The following UIMC1 variants were observed in gnomAD, a reference collection of about 807,000 sequenced individuals.
The protein encoded by UIMC1 is ubiquitin interaction motif containing 1.
A neutral mutation model predicts 84.9 loss-of-function variants in UIMC1; 42 were observed. That is an observed-to-expected ratio of 0.49 (90% CI 0.39 to 0.64). The LOEUF (loss-of-function observed/expected upper bound fraction) is 0.64. UIMC1 is among the 30% of genes least tolerant of loss of function. The probability of loss-of-function intolerance (pLI) is 0.00; values close to 1 mark genes in which losing one functional copy is unlikely to be tolerated. For missense variants in UIMC1, 825 were observed against 847.6 expected (o/e 0.97, Z 0.33); for synonymous variants, 281 against 293.0 (o/e 0.96, Z 0.42).
At chr5:176,906,231 G>C (rs1469854236) in intron 13 of UIMC1, 184 bp from the exon 14 acceptor site, 3 of 566,776 alleles carry the variant, frequency 5.3e-6, no homozygotes, top group Non-Finnish European at 9.4e-6. Flanking sequence ...TCAGCTGCAG[G>C]GGCACTCAGA....
intron 1 of UIMC1, 30 bp from the exon 2 acceptor site, chr5:176,982,653 G>A (rs1771229780): frequency 1.3e-6 from 2 of 1,581,472 alleles, no homozygotes; most frequent in African/African-American, 1.4e-5. Context: ...ATTTTGTCTA[G>A]AATAAAAAGA....
In UIMC1 at chr5:176,990,439, C is replaced by T. The variant is rs1171052555; in HGVS notation, c.-8-7816G>A. On this transcript the variant is annotated intron_variant, in intron 1 of 14. Transcript: ENST00000511320. ...AAAAAATTGTATTGTTTATAAATTA[C>T]CCAGTCTAAGATATTCTGTTATAGC... Among the ~76,000 whole-genome samples, 6 of 152,148 alleles carry T rather than the reference C, an allele frequency of 3.9e-5. No homozygotes were observed. The East Asian group carries it at 1.2e-3, about 29-fold the overall frequency.
At chr5:176,980,469 A>G (rs979443868) in intron 2 of UIMC1, among the ~76,000 whole-genome samples, 63 of 152,322 alleles carry the variant, frequency 4.1e-4, no homozygotes, top group African/African-American at 1.4e-3. Flanking sequence ...TCTACTGATA[A>G]TGTATGCACA....
At chr5:176,918,904 C>T (rs1365967019) in intron 10 of UIMC1, among the ~76,000 whole-genome samples, 2 of 152,148 alleles carry the variant, frequency 1.3e-5, no homozygotes, top group Non-Finnish European at 2.9e-5. Context: ...ACACATACAA[C>T]GTGCTGACTG....
At chr5:177,018,256 C>T (rs559396914) in intron 1 of UIMC1, among the ~76,000 whole-genome samples, 8 of 151,274 alleles carry the variant, frequency 5.3e-5, no homozygotes, top group African/African-American at 1.7e-4. Context: ...GAGGCTGAGG[C>T]GGAGAATTGT....
At chr5:176,976,683 C>A (rs1260583862) in intron 2 of UIMC1, among the ~76,000 whole-genome samples, 1 of 152,168 alleles carries the variant, frequency 6.6e-6, no homozygotes, top group Non-Finnish European at 1.5e-5. Flanking sequence ...CAAAAGGCCA[C>A]ATATATTGTA....
intron 2 of UIMC1, among the ~76,000 whole-genome samples, chr5:176,977,223 C>CAA (rs1016279747): frequency 0.085 from 6,073 of 71,262 alleles, 349 homozygotes; most frequent in African/African-American, 0.17. Context: ...GATTCTGTCT[C>CAA]AAAAAAAAAA....
intron 1 of UIMC1, among the ~76,000 whole-genome samples, chr5:176,986,468 T>C (rs141969381): frequency 7.1e-6 from 1 of 141,164 alleles, no homozygotes; most frequent in African/African-American, 2.7e-5. Context: ...TGTTTGAGAC[T>C]GCCATGAGCT....
At chr5:176,983,173 A>G (rs1444410141) in intron 1 of UIMC1, among the ~76,000 whole-genome samples, 2 of 152,096 alleles carry the variant, frequency 1.3e-5, no homozygotes, top group East Asian at 3.9e-4. Flanking sequence ...ACCCTATCTA[A>G]CAGAAGCAAA....
intron 10 of UIMC1, among the ~76,000 whole-genome samples, chr5:176,925,817 G>A (rs542509196): frequency 4.6e-5 from 7 of 152,230 alleles, no homozygotes; most frequent in African/African-American, 9.6e-5. Context: ...TTAATGCTCC[G>A]TGTCTTGATA....
At chr5:176,952,136 T>G (rs922241796) in intron 8 of UIMC1, among the ~76,000 whole-genome samples, 1 of 152,224 alleles carries the variant, frequency 6.6e-6, no homozygotes, top group Non-Finnish European at 1.5e-5. Context: ...AATTTGTTTA[T>G]TCATTGACCA....
At chr5:176,968,436 A>G in intron 6 of UIMC1, 119 bp downstream of exon 6, 1 of 1,376,572 alleles carries the variant, frequency 7.3e-7, no homozygotes, top group Non-Finnish European at 9.8e-7. Context: ...AATTTTCTAT[A>G]GTGAACATGT....
chr5:176,971,329 T>C (rs1468867671), intron 3 of UIMC1, among the ~76,000 whole-genome samples: 1 of 152,216 alleles, frequency 6.6e-6, no homozygotes, highest in Non-Finnish European at 1.5e-5. Context: ...GTGACAAGAA[T>C]GTGGTCTCCA....
chr5:176,913,959 A>T (rs1760600626), intron 10 of UIMC1, among the ~76,000 whole-genome samples: 2 of 152,178 alleles, frequency 1.3e-5, no homozygotes, highest in South Asian at 4.1e-4. Context: ...CCTAGGTGAC[A>T]GAGCTAGATC....
intron 1 of UIMC1, among the ~76,000 whole-genome samples, chr5:177,014,059 T>A (rs982272606): frequency 2.2e-5 from 3 of 136,228 alleles, no homozygotes; most frequent in Non-Finnish European, 4.6e-5. Flanking sequence ...TTTCTTTTCT[T>A]TTTTTTTTTT....
intron 10 of UIMC1, among the ~76,000 whole-genome samples, chr5:176,934,851 G>A (rs1763539666): frequency 6.6e-6 from 1 of 152,210 alleles, no homozygotes; most frequent in Admixed American, 6.5e-5. Flanking sequence ...GCTGCTGGCA[G>A]CCATTTTGCT....
chr5:176,985,813 T>C (rs887329558), intron 1 of UIMC1, among the ~76,000 whole-genome samples: 19 of 152,290 alleles, frequency 1.2e-4, no homozygotes, highest in African/African-American at 3.8e-4. Context: ...GATCTCACTA[T>C]GTTAACTAGG....
intron 1 of UIMC1, among the ~76,000 whole-genome samples, chr5:176,999,423 T>A (rs1471042670): frequency 6.6e-6 from 1 of 152,042 alleles, no homozygotes; most frequent in African/African-American, 2.4e-5. Flanking sequence ...AATACAATTA[T>A]ACTATTTTAA....
intron 10 of UIMC1, among the ~76,000 whole-genome samples, chr5:176,915,793 CAAAAA>C (rs58297107): frequency 9.4e-5 from 4 of 42,660 alleles, no homozygotes; most frequent in Non-Finnish European, 1.4e-4. Flanking sequence ...GGTCACAAAG[CAAAAA>C]AAAAAAAAAA....
Sources: gnomAD v4.1 joint callset for allele counts (sites outside exome capture counted in the v4.1 genomes callset) on GRCh38, gnomAD v4.1.1 for gene constraint, MANE v1.5 for transcripts, NCBI Gene and HGNC (gene_info 2026-07-23, HGNC 2026-07-21) for gene names.